Variants in SEC11A observed in about 807,000 individuals in gnomAD.
SEC11A encodes SEC11 homolog A, signal peptidase complex subunit.
A neutral mutation model predicts 25.6 loss-of-function variants in SEC11A; 14 were observed. The ratio of observed to expected loss-of-function variants is 0.55; its 90% CI spans 0.36 to 0.85. The LOEUF (loss-of-function observed/expected upper bound fraction) is 0.85, where lower values mean the gene tolerates loss of function less well. SEC11A is among the 40% of genes least tolerant of loss of function. The pLI, the probability that SEC11A is intolerant of heterozygous loss-of-function variation, is 0.01. For missense variants in SEC11A, 153 were observed against 222.9 expected, an observed-to-expected ratio of 0.69 and a Z score of 2.00; for synonymous variants, 83 against 76.4, an observed-to-expected ratio of 1.09 and a Z score of -0.45.
intron 2 of SEC11A, 60 bp downstream of exon 2, chr15:84,691,475 C>A: frequency 5.5e-6 from 5 of 909,074 alleles, no homozygotes; most frequent in African/African-American, 1.7e-5. Context: ...TATTTCATAT[C>A]TCAATTTTTC....
chr15:84,677,131 A>C (rs1323972405), intron 4 of SEC11A, among the ~76,000 whole-genome samples: 2 of 152,136 alleles, frequency 1.3e-5, no homozygotes, highest in Non-Finnish European at 2.9e-5. Context: ...CTACAGTAAC[A>C]GACTTGCCTG....
chr15:84,715,274 TAAAAC>T (rs1363832516), intron 1 of SEC11A, among the ~76,000 whole-genome samples: 1 of 152,108 alleles, frequency 6.6e-6, no homozygotes, highest in Non-Finnish European at 1.5e-5. Context: ...GCGCAAAAGA[TAAAAC>T]AGAACAACCT....
chr15:84,676,451 C>CA (rs71453257), intron 4 of SEC11A, among the ~76,000 whole-genome samples: 2,386 of 137,716 alleles, frequency 0.017, 69 homozygotes, highest in African/African-American at 0.06. Context: ...AACTCTGTCT[C>CA]AAAAAAAAAA....
At chr15:84,711,556 G>T (rs888029921) in intron 1 of SEC11A, among the ~76,000 whole-genome samples, 1 of 152,046 alleles carries the variant, frequency 6.6e-6, no homozygotes, top group Non-Finnish European at 1.5e-5. Context: ...AGTGGCTCAT[G>T]CCTGTAACCC....
intron 1 of SEC11A, among the ~76,000 whole-genome samples, chr15:84,695,463 C>CAAAA (rs1256181529): frequency 8.4e-6 from 1 of 118,746 alleles, no homozygotes; most frequent in Non-Finnish European, 1.8e-5. Context: ...AACTCCGTCT[C>CAAAA]AAAAAAAAAA....
intron 3 of SEC11A, among the ~76,000 whole-genome samples, chr15:84,687,192 T>C (rs1211713340): frequency 2.0e-5 from 3 of 152,074 alleles, no homozygotes; most frequent in Non-Finnish European, 2.9e-5. Context: ...TTGTTTTGTT[T>C]TAATAGAGAA....
intron 2 of SEC11A, among the ~76,000 whole-genome samples, chr15:84,688,213 C>A (rs1398691845): frequency 6.6e-6 from 1 of 152,104 alleles, no homozygotes; most frequent in Non-Finnish European, 1.5e-5. Flanking sequence ...AAGATAACAG[C>A]CAAGATGACC....
rs57015135 is a variant in SEC11A, at chr15:84,700,984, CAAAAAA to C, written c.52-9346_52-9341del. Among the ~76,000 whole-genome samples, 331 of 78,024 alleles carry C rather than the reference CAAAAAA, an allele frequency of 4.2e-3. 1 individual carries two copies. Among genetic ancestry groups the C allele is most frequent in the African/African-American group, 0.016 (298 of 18,082 alleles). 51.2% of individuals were successfully genotyped at this position (78,024 alleles called of 152,430 possible). A position where few individuals can be genotyped will look rare whatever the true frequency, so the allele number is the denominator to read the frequency against. On this transcript the variant is annotated intron_variant, in intron 1 of 5. Transcript: ENST00000268220. ...GGGCAACAAGAGCGAAACTCCATAT[CAAAAAA>C]AAAAAAAAAAAAAAAATCCAAGACC...
chr15:84,716,012 C>G lies in SEC11A; in HGVS notation c.51+13G>C. On this transcript the variant is annotated intron_variant, in intron 1 of 5. Transcript: ENST00000268220. ...AAGAAGAGCCAGGAGAAAAAGAGGA[C>G]GGACAAGCTCACCTGCCGCTTGTTC... 2 of 1,612,612 alleles carry G rather than the reference C, an allele frequency of 1.2e-6. No individual in the cohort carries two copies.
intron 1 of SEC11A, among the ~76,000 whole-genome samples, chr15:84,708,205 C>CAAAAA (rs71132699): frequency 8.5e-5 from 3 of 35,426 alleles, no homozygotes; most frequent in African/African-American, 1.2e-4. Flanking sequence ...GGCTCTGTCT[C>CAAAAA]AAAAAAAAAA....
chr15:84,690,732 C>T (rs1897580514), intron 2 of SEC11A, among the ~76,000 whole-genome samples: 1 of 152,086 alleles, frequency 6.6e-6, no homozygotes, highest in South Asian at 2.1e-4. Context: ...CTTCAAAATT[C>T]CTGGAGTCTA....
chr15:84,696,786 G>A (rs1020640898), intron 1 of SEC11A, among the ~76,000 whole-genome samples: 3 of 152,062 alleles, frequency 2.0e-5, no homozygotes, highest in African/African-American at 4.8e-5. Context: ...CACAGTTCAC[G>A]TCTATTTTGT....
chr15:84,712,449 CTTTTTTTTT>C (rs150374364), intron 1 of SEC11A, among the ~76,000 whole-genome samples: 1 of 130,254 alleles, frequency 7.7e-6, no homozygotes, highest in Non-Finnish European at 1.6e-5. Flanking sequence ...TCTTTTTTTT[CTTTTTTTTT>C]TTTTTTTGAG....
intron 1 of SEC11A, among the ~76,000 whole-genome samples, chr15:84,693,214 G>A (rs1236251874): frequency 6.6e-6 from 1 of 152,074 alleles, no homozygotes; most frequent in African/African-American, 2.4e-5. Context: ...AAAAAAAGGT[G>A]GAAGACTGTT....
intron 4 of SEC11A, chr15:84,673,130 G>T: frequency 6.0e-6 from 1 of 167,544 alleles, no homozygotes; most frequent in South Asian, 1.2e-4. Context: ...CCGGGAGGGA[G>T]GTGGGGGTCA....
intron 1 of SEC11A, among the ~76,000 whole-genome samples, chr15:84,696,740 G>A (rs959725065): frequency 4.6e-5 from 7 of 152,074 alleles, no homozygotes; most frequent in African/African-American, 1.7e-4. Flanking sequence ...TCACACTGAA[G>A]TAAATAAAAA....
chr15:84,694,635 T>A (rs1245932237), intron 1 of SEC11A, among the ~76,000 whole-genome samples: 2 of 152,120 alleles, frequency 1.3e-5, no homozygotes, highest in East Asian at 3.9e-4. Flanking sequence ...TTTGTTTACT[T>A]TCATACTAGG....
In SEC11A at chr15:84,673,240, G is replaced by A. The variant is rs146974906; in HGVS notation, c.432-2458C>T. On this transcript the variant is annotated intron_variant, in intron 4 of 5. Transcript: ENST00000268220. ...GAGCCCCTCTGCCCGGCCACCACCCGGTCTGGGAGGAGTACCCAACAGCTC... is the reference window on the plus strand; with the variant it reads ...GAGCCCCTCTGCCCGGCCACCACCCAGTCTGGGAGGAGTACCCAACAGCTC... 932 of 201,192 alleles carry A rather than the reference G, an allele frequency of 4.6e-3. 11 individuals are homozygous for A. The highest frequency in any genetic ancestry group is 0.039 in the East Asian group (232 of 6,008). The allele number at this position is 201,192 out of a possible 1,614,324, so 12.5% of individuals were successfully genotyped here. A position where few individuals can be genotyped will look rare whatever the true frequency, so the allele number is the denominator to read the frequency against.
At chr15:84,689,398 A>C (rs193165824) in intron 2 of SEC11A, among the ~76,000 whole-genome samples, 1 of 152,294 alleles carries the variant, frequency 6.6e-6, no homozygotes, top group Admixed American at 6.5e-5. Flanking sequence ...AGCTTTTTGT[A>C]TGTCAATCAT....
Sources: allele counts gnomAD v4.1 joint callset (sites outside exome capture counted in the v4.1 genomes callset), GRCh38; gene constraint gnomAD v4.1.1; transcripts MANE v1.5; gene names NCBI Gene and HGNC (gene_info 2026-07-23, HGNC 2026-07-21).